Variants in SNTG1 observed in about 807,000 individuals in gnomAD.
SNTG1 encodes the protein syntrophin gamma 1, also known as gamma-1-syntrophin.
A neutral mutation model predicts 74.7 loss-of-function variants in SNTG1; 39 were observed. The observed-to-expected ratio is 0.52, with a 90% CI of 0.40 to 0.68. The LOEUF is 0.68. SNTG1 is among the 30% of genes least tolerant of loss of function. The pLI, the probability that SNTG1 is intolerant of heterozygous loss-of-function variation, is 0.00. For synonymous variants in SNTG1, 254 were observed against 217.1 expected (o/e 1.17, Z -1.49); for missense variants, 685 against 609.5 (o/e 1.12, Z -1.30).
chr8:50,376,270 ACAAAATTGG>A (rs1485398915), intron 2 of SNTG1, among the ~76,000 whole-genome samples: 2 of 152,190 alleles, frequency 1.3e-5, no homozygotes, highest in Non-Finnish European at 2.9e-5. Flanking sequence ...CATATTTATA[ACAAAATTGG>A]CAATTACTAA....
At position 50,399,500 on chromosome 8, in the gene SNTG1, C is replaced by G. The variant is rs150642286; in HGVS notation, c.28-2710C>G. Among the ~76,000 whole-genome samples, 142 of 152,292 alleles carry G rather than the reference C, an allele frequency of 9.3e-4. 1 individual carries two copies. Among genetic ancestry groups the G allele is most frequent in the South Asian group, 5.8e-3 (28 of 4,826 alleles). Reference sequence around the variant, plus strand: ...TTTGATGTGCACCAAAAGTATATCTCTGGGCTTTCAGGGAAAACCCTTCTA... The same window carrying G: ...TTTGATGTGCACCAAAAGTATATCTGTGGGCTTTCAGGGAAAACCCTTCTA... On this transcript the variant is annotated intron_variant, in intron 3 of 18. Transcript: ENST00000642720.
chr8:49,919,850 T>C (rs541952350), intron 1 of SNTG1, among the ~76,000 whole-genome samples: 1 of 152,168 alleles, frequency 6.6e-6, no homozygotes, highest in East Asian at 1.9e-4. Context: ...CTGGTCTGGT[T>C]TTAATCTTGA....
At chr8:50,619,527 C>T (rs191981829) in intron 13 of SNTG1, among the ~76,000 whole-genome samples, 2 of 152,088 alleles carry the variant, frequency 1.3e-5, no homozygotes, top group East Asian at 1.9e-4. Context: ...GTCAGGAGAC[C>T]GAGACCATCC....
At chr8:50,441,799 A>C (rs7842092) in intron 5 of SNTG1, among the ~76,000 whole-genome samples, 137,589 of 152,138 alleles carry the variant, frequency 0.9, 62,491 homozygotes, top group Non-Finnish European at 0.96. Context: ...GTTTGAAACA[A>C]AGCCACCCAA....
intron 13 of SNTG1, among the ~76,000 whole-genome samples, chr8:50,596,079 A>G (rs1352671504): frequency 6.6e-6 from 1 of 151,984 alleles, no homozygotes; most frequent in African/African-American, 2.4e-5. Context: ...TACATTTCAC[A>G]TTGACACTAG....
At chr8:50,006,173 G>C (rs555827095) in intron 1 of SNTG1, among the ~76,000 whole-genome samples, 39 of 151,964 alleles carry the variant, frequency 2.6e-4, no homozygotes, top group Admixed American at 2.0e-4. Flanking sequence ...GTGTTGGCCA[G>C]GATGGTCTCA....
Position 50,463,847 on chromosome 8 carries a change from G to A in SNTG1, c.363+13118G>A, listed in dbSNP as rs73583459. ...TCTCTAGCTATGAAAGTCCTAGAAGGCATCCAGCAGAAGGCTATTTTGTCT... is the reference window on the plus strand; with the variant it reads ...TCTCTAGCTATGAAAGTCCTAGAAGACATCCAGCAGAAGGCTATTTTGTCT... On this transcript the variant is annotated intron_variant, in intron 8 of 18. Coordinates refer to ENST00000642720, the MANE Select transcript of SNTG1 (RefSeq NM_018967.5). Among the ~76,000 whole-genome samples the A allele has an allele frequency of 8.7e-3, 1,326 of 152,276 alleles. 21 individuals carry two copies. Among genetic ancestry groups the A allele is most frequent in the African/African-American group, 0.029 (1,195 of 41,562 alleles).
intron 11 of SNTG1, among the ~76,000 whole-genome samples, chr8:50,550,691 G>A (rs2094419938): frequency 6.9e-6 from 1 of 145,272 alleles, no homozygotes; most frequent in Non-Finnish European, 1.5e-5. Flanking sequence ...TTTAGTGTGT[G>A]TGTATATATA....
intron 13 of SNTG1, among the ~76,000 whole-genome samples, chr8:50,596,365 C>A (rs2094727174): frequency 6.6e-6 from 1 of 151,920 alleles, no homozygotes; most frequent in Admixed American, 6.6e-5. Context: ...TAGTAAATAT[C>A]TGCCTAACAC....
At chr8:50,512,750 T>C (rs1035765622) in intron 9 of SNTG1, among the ~76,000 whole-genome samples, 2 of 152,242 alleles carry the variant, frequency 1.3e-5, no homozygotes, top group African/African-American at 4.8e-5. Context: ...TTCTCGTACC[T>C]TGGTTTTCAG....
intron 2 of SNTG1, among the ~76,000 whole-genome samples, chr8:50,269,397 T>C (rs1370800878): frequency 2.6e-5 from 4 of 152,200 alleles, no homozygotes; most frequent in Non-Finnish European, 4.4e-5. Flanking sequence ...GCAAAATTTG[T>C]TGATTTTATT....
chr8:50,392,633 C>T (rs535732068), intron 2 of SNTG1, among the ~76,000 whole-genome samples: 1 of 152,052 alleles, frequency 6.6e-6, no homozygotes, highest in South Asian at 2.1e-4. Flanking sequence ...TATATTTTAT[C>T]TAACTGTATG....
chr8:50,545,261 A>C (rs192361579), intron 11 of SNTG1, among the ~76,000 whole-genome samples: 11 of 151,766 alleles, frequency 7.2e-5, no homozygotes, highest in African/African-American at 2.4e-4. Flanking sequence ...CAGTAATAAT[A>C]CAGTTTATAT....
intron 2 of SNTG1, among the ~76,000 whole-genome samples, chr8:50,191,324 T>C (rs2083566172): frequency 6.6e-6 from 1 of 152,150 alleles, no homozygotes; most frequent in South Asian, 2.1e-4. Flanking sequence ...GAAGCAGTAT[T>C]GAAGGGCAAA....
At chr8:50,068,396 C>T (rs1821074328) in intron 1 of SNTG1, among the ~76,000 whole-genome samples, 1 of 152,140 alleles carries the variant, frequency 6.6e-6, no homozygotes, top group Non-Finnish European at 1.5e-5. Flanking sequence ...AGTCACTTTC[C>T]TGAGTGAAAA....
chr8:50,444,807 G>T (rs2093391418), intron 5 of SNTG1, among the ~76,000 whole-genome samples: 1 of 150,622 alleles, frequency 6.6e-6, no homozygotes, highest in South Asian at 2.1e-4. Flanking sequence ...TAAATTGAGG[G>T]TTATGGATTA....
At chr8:50,511,245 C>G (rs183802318) in intron 9 of SNTG1, among the ~76,000 whole-genome samples, 2 of 152,174 alleles carry the variant, frequency 1.3e-5, no homozygotes, top group South Asian at 2.1e-4. Context: ...TTTCTTAATC[C>G]TGAGTTCTAG....
At position 50,247,066 on chromosome 8, in the gene SNTG1, G is replaced by A. The variant is rs150105183; in HGVS notation, c.-28+74431G>A. ...TTGCTTACCTTTAATTTTTCCATCA[G>A]GATTTAGTAAGCTGAACCTATTAAG... On this transcript the variant is annotated intron_variant, in intron 2 of 18. Coordinates refer to ENST00000642720, the MANE Select transcript of SNTG1 (RefSeq NM_018967.5). 4.5e-3 allele frequency among the ~76,000 whole-genome samples: 681 copies of A among 152,244 alleles called. 7 individuals are homozygous for A. Among genetic ancestry groups the A allele is most frequent in the African/African-American group, 0.016 (651 of 41,542 alleles).
intron 2 of SNTG1, among the ~76,000 whole-genome samples, chr8:50,304,799 C>T (rs7817761): frequency 0.069 from 10,537 of 152,162 alleles, 410 homozygotes; most frequent in African/African-American, 0.085. Flanking sequence ...TTTGTGTGAC[C>T]ACTATTTCTT....
Sources: gnomAD v4.1 joint callset for allele counts (sites outside exome capture counted in the v4.1 genomes callset) on GRCh38, gnomAD v4.1.1 for gene constraint, MANE v1.5 for transcripts, NCBI Gene and HGNC (gene_info 2026-07-23, HGNC 2026-07-21) for gene names.